Variants in MALRD1 observed in about 807,000 individuals in gnomAD.
The protein encoded by MALRD1 is MAM and LDL receptor class A domain containing 1.
MALRD1 carries 247 observed loss-of-function variants against 242.1 expected under a neutral mutation model. The observed-to-expected ratio is 1.02, with a 90% CI of 0.92 to 1.13. The LOEUF is 1.13. Among genes scored for constraint, MALRD1 ranks in the 50% most tolerant of loss-of-function variants. The pLI, the probability that MALRD1 is intolerant of heterozygous loss-of-function variation, is 0.00. For synonymous variants in MALRD1, 995 were observed against 866.6 expected (o/e 1.15, Z -2.60); for missense variants, 2,989 against 2,533.1 (o/e 1.18, Z -3.86).
intron 24 of MALRD1, among the ~76,000 whole-genome samples, chr10:19,339,724 A>G (rs1443015013): frequency 6.6e-6 from 1 of 152,150 alleles, no homozygotes; most frequent in Non-Finnish European, 1.5e-5. Flanking sequence ...GTATGTGATG[A>G]GGTTCTGTGA....
chr10:19,655,532 A>G (rs1197859133), intron 36 of MALRD1, among the ~76,000 whole-genome samples: 26 of 9,366 alleles, frequency 2.8e-3, no homozygotes, highest in Non-Finnish European at 4.1e-3. Flanking sequence ...GTGTGAGTGT[A>G]TATATATATA....
chr10:19,164,279 T>A (rs7478164), intron 12 of MALRD1, among the ~76,000 whole-genome samples: 61,467 of 151,752 alleles, frequency 0.41, 12,976 homozygotes, highest in Admixed American at 0.49. Context: ...ACAATTTTTT[T>A]AAAAAAGCAT....
chr10:19,070,325 C>A (rs933469832), intron 2 of MALRD1, among the ~76,000 whole-genome samples: 2 of 152,144 alleles, frequency 1.3e-5, no homozygotes, highest in Non-Finnish European at 2.9e-5. Context: ...TGGGTCAAAT[C>A]ATCTAACACA....
intron 1 of MALRD1, among the ~76,000 whole-genome samples, chr10:19,065,568 A>G (rs1329073031): frequency 2.0e-5 from 3 of 152,184 alleles, no homozygotes; most frequent in Non-Finnish European, 4.4e-5. Context: ...AACAAGTCCT[A>G]TCATTCCCCT....
At position 19,066,813 on chromosome 10, in the gene MALRD1, G is replaced by T. The variant is rs1289954306; in HGVS notation, c.294G>T (p.Met98Ile). 1 of 1,233,626 alleles carries T rather than the reference G, an allele frequency of 8.1e-7. No individual in the cohort carries two copies. Among genetic ancestry groups the T allele is most frequent in the East Asian group, 3.2e-5 (1 of 31,682 alleles). 76.4% of individuals were successfully genotyped at this position (1,233,626 alleles called of 1,614,324 possible). ...LQPSWTKRSG[M>I]IGLSPPFYDH... is the part of the protein sequence containing the mutation. ...CTAGTTGGACAAAGAGAAGTGGGAT[G>T]ATTGGTCTATCACCTCCATTTTATG... is the stretch of plus-strand genomic sequence containing the variant. The change falls in exon 2 of 40, where the codon ATG becomes ATT. Residue 98 changes from methionine (M) to isoleucine (I), a missense_variant. Coordinates refer to ENST00000454679, the MANE Select transcript of MALRD1 (RefSeq NM_001142308.3).
chr10:19,684,211 T>C (rs185263786), intron 36 of MALRD1, among the ~76,000 whole-genome samples: 1 of 152,286 alleles, frequency 6.6e-6, no homozygotes, highest in Admixed American at 6.5e-5. Context: ...ATTGCACCCT[T>C]TGGTGATTTA....
intron 31 of MALRD1, among the ~76,000 whole-genome samples, chr10:19,522,156 C>G (rs1483399609): frequency 6.6e-6 from 1 of 152,108 alleles, no homozygotes; most frequent in South Asian, 2.1e-4. Context: ...TTCAGTTTAG[C>G]ATCAAGGACT....
intron 21 of MALRD1, among the ~76,000 whole-genome samples, chr10:19,321,565 A>G (rs188614705): frequency 3.9e-4 from 59 of 152,304 alleles, no homozygotes; most frequent in African/African-American, 1.2e-3. Flanking sequence ...CTAAATCATA[A>G]AGATCTAATC....
intron 38 of MALRD1, among the ~76,000 whole-genome samples, chr10:19,716,610 A>G (rs1024680173): frequency 6.6e-6 from 1 of 152,232 alleles, no homozygotes; most frequent in Non-Finnish European, 1.5e-5. Flanking sequence ...AGAATGGAAA[A>G]ATACAGAAGG....
At chr10:19,580,036 A>G (rs1186578805) in intron 33 of MALRD1, among the ~76,000 whole-genome samples, 1 of 152,214 alleles carries the variant, frequency 6.6e-6, no homozygotes, top group Non-Finnish European at 1.5e-5. Context: ...CAGACTGGGA[A>G]CTATAGCACC....
chr10:19,324,190 TAATAAGTGAA>T, intron 22 of MALRD1, 85 bp downstream of exon 22: 1 of 1,311,142 alleles, frequency 7.6e-7, no homozygotes, highest in Non-Finnish European at 1.0e-6. Flanking sequence ...TATATTCTGT[TAATAAGTGAA>T]AATGGACAAT....
chr10:19,592,742 C>A (rs1837869621), intron 33 of MALRD1, among the ~76,000 whole-genome samples: 1 of 114,940 alleles, frequency 8.7e-6, no homozygotes, highest in Admixed American at 1.0e-4. Context: ...CACACACACA[C>A]ACACACACAC....
At chr10:19,059,670 G>T (rs989417310) in intron 1 of MALRD1, among the ~76,000 whole-genome samples, 1 of 151,866 alleles carries the variant, frequency 6.6e-6, no homozygotes, top group Non-Finnish European at 1.5e-5. Flanking sequence ...GGGGTTATAG[G>T]CATGAGCCAC....
chr10:19,400,001 T>A (rs1430768745), intron 28 of MALRD1, among the ~76,000 whole-genome samples: 1 of 152,162 alleles, frequency 6.6e-6, no homozygotes, highest in Non-Finnish European at 1.5e-5. Context: ...TAATTTAGGA[T>A]TACAACTTTC....
At chr10:19,486,583 G>A (rs373228779) in intron 29 of MALRD1, among the ~76,000 whole-genome samples, 1 of 152,096 alleles carries the variant, frequency 6.6e-6, no homozygotes, top group African/African-American at 2.4e-5. Flanking sequence ...CAAAAGCAGG[G>A]ATTACGCCCG....
At chr10:19,465,594 G>T (rs1836181406) in intron 29 of MALRD1, among the ~76,000 whole-genome samples, 1 of 152,046 alleles carries the variant, frequency 6.6e-6, no homozygotes, top group African/African-American at 2.4e-5. Context: ...ATAATAGCAC[G>T]ATCACAGCTC....
At chr10:19,541,238 G>C (rs567158644) in intron 32 of MALRD1, among the ~76,000 whole-genome samples, 1 of 152,032 alleles carries the variant, frequency 6.6e-6, no homozygotes, top group African/African-American at 2.4e-5. Context: ...TTTTACAAGT[G>C]GTGTTAAACT....
chr10:19,342,476 G>A (rs1311422451), intron 24 of MALRD1, among the ~76,000 whole-genome samples: 1 of 152,086 alleles, frequency 6.6e-6, no homozygotes, highest in Non-Finnish European at 1.5e-5. Context: ...TTCTTGTCTA[G>A]TAAAAGAGAT....
At chr10:19,567,251 G>GT (rs906783935) in intron 32 of MALRD1, among the ~76,000 whole-genome samples, 17 of 151,808 alleles carry the variant, frequency 1.1e-4, no homozygotes, top group African/African-American at 1.5e-4. Context: ...GACAGTTACG[G>GT]TTTTTTTTAA....
Sources: allele counts gnomAD v4.1 joint callset (sites outside exome capture counted in the v4.1 genomes callset), GRCh38; gene constraint gnomAD v4.1.1; transcripts MANE v1.5; gene names NCBI Gene and HGNC (gene_info 2026-07-23, HGNC 2026-07-21).